SFT2D1: variants seen among roughly 807,000 people sequenced by gnomAD.
SFT2D1 encodes SFT2 domain containing 1.
In SFT2D1, 24 loss-of-function variants were observed where a neutral mutation model predicts 28.1. The observed-to-expected ratio is 0.85, with a 90% CI of 0.62 to 1.20. The LOEUF is 1.20. SFT2D1 is among the 50% of genes most tolerant of loss of function. SFT2D1 has a pLI of 0.00. For synonymous variants in SFT2D1, 82 were observed against 73.7 expected (o/e 1.11, Z -0.58); for missense variants, 181 against 190.9 (o/e 0.95, Z 0.31).
intron 7 of SFT2D1, among the ~76,000 whole-genome samples, chr6:166,321,835 T>C (rs1001604626): frequency 2.6e-5 from 4 of 152,200 alleles, no homozygotes; most frequent in Non-Finnish European, 4.4e-5. Flanking sequence ...AATTAAAATG[T>C]TTTTGCTGAC....
At chr6:166,338,462 A>C (rs554562704) in intron 1 of SFT2D1, among the ~76,000 whole-genome samples, 23 of 152,318 alleles carry the variant, frequency 1.5e-4, no homozygotes, top group African/African-American at 5.5e-4. Flanking sequence ...GGTTCTACTA[A>C]GGACATAAAT....
intron 1 of SFT2D1, among the ~76,000 whole-genome samples, chr6:166,335,635 A>C (rs1359723483): frequency 6.6e-6 from 1 of 151,574 alleles, no homozygotes; most frequent in Non-Finnish European, 1.5e-5. Flanking sequence ...AACATAAATA[A>C]CTCCCACATG....
At chr6:166,326,044 G>T in intron 5 of SFT2D1, 88 bp downstream of exon 5, 1 of 1,219,154 alleles carries the variant, frequency 8.2e-7, no homozygotes, top group Non-Finnish European at 1.2e-6. Context: ...AAACAGATGA[G>T]CTATTTTAAG....
chr6:166,326,198 T>C (rs765070817), intron 4 of SFT2D1, 31 bp from the exon 5 acceptor site: 4 of 1,588,056 alleles, frequency 2.5e-6, no homozygotes, highest in East Asian at 2.2e-5. Context: ...GATTATAAGT[T>C]TGAGATCCTT....
At chr6:166,326,235 C>T in intron 4 of SFT2D1, 68 bp from the exon 5 acceptor site, 1 of 1,326,704 alleles carries the variant, frequency 7.5e-7, no homozygotes, top group Non-Finnish European at 1.1e-6. Flanking sequence ...AATGCATAAA[C>T]TATTCTGCAT....
intron 5 of SFT2D1, chr6:166,325,749 A>C (rs1778433579): frequency 5.1e-6 from 1 of 195,076 alleles, no homozygotes. Flanking sequence ...ATGTGTGTTT[A>C]TTAATGACCT....
intron 5 of SFT2D1, among the ~76,000 whole-genome samples, chr6:166,325,567 AT>A (rs1251388494): frequency 2.0e-5 from 3 of 152,094 alleles, no homozygotes; most frequent in Non-Finnish European, 4.4e-5. Flanking sequence ...GGCCCTCTCT[AT>A]TGGTTTTACA....
chr6:166,320,361 G>A, intron 7 of SFT2D1, 105 bp from the exon 8 acceptor site: 1 of 784,044 alleles, frequency 1.3e-6, no homozygotes, highest in Non-Finnish European at 2.1e-6. Flanking sequence ...CTCAATGGAT[G>A]CTCCAACACA....
chr6:166,336,949 G>A (rs1778667286), intron 1 of SFT2D1, among the ~76,000 whole-genome samples: 1 of 152,146 alleles, frequency 6.6e-6, no homozygotes, highest in African/African-American at 2.4e-5. Flanking sequence ...CCATCACATT[G>A]GGGATTAAGT....
In SFT2D1 at chr6:166,329,601, T is replaced by A; in HGVS notation, c.151-12A>T. On this transcript the variant is annotated splice_polypyrimidine_tract_variant and intron_variant, in intron 2 of 7. Transcript: ENST00000361731. ...AGCAATCCAGTTCCCTAAGTTAAGA[T>A]ATTATAGTTATTTTAAAATAATTTT... 6.4e-7 allele frequency: 1 copy of A among 1,564,994 alleles called. No homozygotes were observed. Among genetic ancestry groups the A allele is most frequent in the Non-Finnish European group, 8.6e-7 (1 of 1,156,994 alleles).
At chr6:166,320,353 CAATG>C (rs1437871815) in intron 7 of SFT2D1, 97 bp from the exon 8 acceptor site, 35 of 883,298 alleles carry the variant, frequency 4.0e-5, no homozygotes, top group East Asian at 2.6e-4. Context: ...TAACAGAACT[CAATG>C]GATGCTCCAA....
intron 1 of SFT2D1, among the ~76,000 whole-genome samples, chr6:166,333,276 T>C (rs7758459): frequency 0.97 from 147,451 of 152,292 alleles, 71,397 homozygotes; most frequent in East Asian, 1. Flanking sequence ...GCGGGGCCTA[T>C]CCAGATCCTT....
chr6:166,342,420 T>A lies in SFT2D1; in HGVS notation c.62A>T (p.Gln21Leu). 5.1e-6 allele frequency: 8 copies of A among 1,556,474 alleles called. No individual in the cohort carries two copies. Among genetic ancestry groups the A allele is most frequent in the Non-Finnish European group, 7.0e-6 (8 of 1,150,756 alleles). ...QDDEEQGLTA[Q>L]VLDASSLSFN... ...TGGACGAGGGCGCAAGTTCGCTACC[T>A]GCGCAGTCAGGCCCTGCTCCTCGTC... is the stretch of plus-strand genomic sequence containing the variant. Residue 21 changes from glutamine to leucine, a missense_variant and splice_region_variant, in exon 1 of 8, where the codon CAG becomes CTG. Transcript: ENST00000361731.
intron 6 of SFT2D1, chr6:166,324,260 C>T (rs187667165): frequency 9.0e-6 from 3 of 333,388 alleles, no homozygotes; most frequent in African/African-American, 4.2e-5. Context: ...GCATCACCTA[C>T]TTTTCTTATT....
In SFT2D1 at chr6:166,320,260, G is replaced by A. The variant is rs759072070; in HGVS notation, c.441-4C>T. 1.9e-6 allele frequency: 3 copies of A among 1,608,852 alleles called. No individual in the cohort carries two copies. The African/African-American group carries it at 4.0e-5, about 22-fold the overall frequency. ...ACAGCATTTAATAACTGCATCCCTG[G>A]TGGAAAAGAGAGGGAAAAAAACAGA... On this transcript the variant is annotated splice_region_variant and splice_polypyrimidine_tract_variant and intron_variant, in intron 7 of 7. Coordinates refer to ENST00000361731, the MANE Select transcript of SFT2D1 (RefSeq NM_145169.3).
intron 6 of SFT2D1, chr6:166,323,540 G>A (rs992897063): frequency 6.6e-6 from 1 of 152,266 alleles, no homozygotes; most frequent in Non-Finnish European, 1.5e-5. Context: ...TAACACAGAA[G>A]AGCGCAGGAG....
intron 4 of SFT2D1, among the ~76,000 whole-genome samples, chr6:166,327,017 A>C (rs576792548): frequency 1.3e-5 from 2 of 152,356 alleles, no homozygotes; most frequent in East Asian, 1.9e-4. Flanking sequence ...GAGATTATAA[A>C]AGTGGTAAGA....
chr6:166,339,045 G>A (rs1015217623), intron 1 of SFT2D1, among the ~76,000 whole-genome samples: 1 of 152,060 alleles, frequency 6.6e-6, no homozygotes, highest in East Asian at 1.9e-4. Flanking sequence ...GTTACGTCTT[G>A]CTGCACAAGA....
intron 1 of SFT2D1, among the ~76,000 whole-genome samples, chr6:166,334,264 G>T (rs909420954): frequency 2.6e-5 from 4 of 152,184 alleles, no homozygotes; most frequent in African/African-American, 9.7e-5. Context: ...AAGGGATCCA[G>T]CTCCTGGTTA....
Sources: allele counts gnomAD v4.1 joint callset (sites outside exome capture counted in the v4.1 genomes callset), GRCh38; gene constraint gnomAD v4.1.1; transcripts MANE v1.5; gene names NCBI Gene and HGNC (gene_info 2026-07-23, HGNC 2026-07-21).